FANCL: variants seen among roughly 807,000 people sequenced by gnomAD.
The protein encoded by FANCL is E3 ubiquitin-protein ligase FANCL.
In FANCL, 69 loss-of-function variants were observed where a neutral mutation model predicts 59.4. That is an observed-to-expected ratio of 1.16 (90% CI 0.96 to 1.42). The LOEUF is 1.42. Ranked by LOEUF, FANCL falls within the 40% of genes most tolerant of loss-of-function variation. The pLI, the probability that FANCL is intolerant of heterozygous loss-of-function variation, is 0.00. For missense variants in FANCL, 519 were observed against 447.2 expected, an observed-to-expected ratio of 1.16 and a Z score of -1.45; for synonymous variants, 180 against 147.1, an observed-to-expected ratio of 1.22 and a Z score of -1.62.
chr2:58,208,901 G>A (rs1004154616), intron 5 of FANCL, among the ~76,000 whole-genome samples: 2 of 151,992 alleles, frequency 1.3e-5, no homozygotes, highest in African/African-American at 2.4e-5. Context: ...CATTAGCCTC[G>A]TAGTCAAGAC....
chr2:58,172,542 T>G (rs575699463), intron 7 of FANCL, among the ~76,000 whole-genome samples: 2 of 152,178 alleles, frequency 1.3e-5, no homozygotes, highest in Admixed American at 1.3e-4. Context: ...GCTGAGGGTC[T>G]CTGTTAACAG....
chr2:58,234,192 C>T (rs1350701368), intron 1 of FANCL, among the ~76,000 whole-genome samples: 1 of 151,800 alleles, frequency 6.6e-6, no homozygotes, highest in Non-Finnish European at 1.5e-5. Context: ...TCCATGCAAA[C>T]AAAACCCAGA....
At chr2:58,226,922 T>C in intron 3 of FANCL, 138 bp from the exon 4 acceptor site, 1 of 728,876 alleles carries the variant, frequency 1.4e-6, no homozygotes, top group Non-Finnish European at 2.3e-6. Flanking sequence ...AGAAATGAAG[T>C]ATCGGTCATC....
intron 5 of FANCL, among the ~76,000 whole-genome samples, chr2:58,205,166 T>TA (rs769693832): frequency 5.9e-5 from 8 of 134,868 alleles, no homozygotes; most frequent in Admixed American, 1.5e-4. Flanking sequence ...AGGAAATATA[T>TA]TTTTTAATAT....
intron 7 of FANCL, among the ~76,000 whole-genome samples, chr2:58,197,222 T>A (rs1689522970): frequency 6.6e-6 from 1 of 151,654 alleles, no homozygotes; most frequent in Admixed American, 6.6e-5. Flanking sequence ...ATAATTAAAA[T>A]GGCATTTTGG....
intron 7 of FANCL, among the ~76,000 whole-genome samples, chr2:58,192,702 T>C (rs1333736111): frequency 6.6e-6 from 1 of 151,872 alleles, no homozygotes; most frequent in Non-Finnish European, 1.5e-5. Flanking sequence ...TTATCTACGG[T>C]GGAATTTAGT....
chr2:58,219,165 AAAAAAAATATATATATATATATAT>A (rs1692186223), intron 5 of FANCL, among the ~76,000 whole-genome samples: 2 of 82,416 alleles, frequency 2.4e-5, no homozygotes, highest in Non-Finnish European at 4.2e-5. Context: ...AAAAAAAAAA[AAAAAAAATATATATATATATATAT>A]ATATATATAT....
At chr2:58,190,468 GAAAA>G (rs34333134) in intron 7 of FANCL, among the ~76,000 whole-genome samples, 1 of 87,868 alleles carries the variant, frequency 1.1e-5, no homozygotes, top group African/African-American at 3.5e-5. Context: ...TATTCAAAAA[GAAAA>G]AAAAAAAAAA....
intron 11 of FANCL, among the ~76,000 whole-genome samples, chr2:58,162,565 A>G (rs1685355663): frequency 6.6e-6 from 1 of 151,864 alleles, no homozygotes; most frequent in Non-Finnish European, 1.5e-5. Flanking sequence ...TGTTTATGTG[A>G]AATCTCTGTA....
chr2:58,223,211 A>G (rs1315707455), intron 4 of FANCL, among the ~76,000 whole-genome samples: 1 of 151,564 alleles, frequency 6.6e-6, no homozygotes, highest in Non-Finnish European at 1.5e-5. Context: ...ATTAGAGGGT[A>G]AGCTCCTAGA....
intron 7 of FANCL, among the ~76,000 whole-genome samples, chr2:58,168,188 C>A (rs1686152405): frequency 6.6e-6 from 1 of 152,044 alleles, no homozygotes; most frequent in African/African-American, 2.4e-5. Flanking sequence ...CAGCTCCAGT[C>A]TGCAGCTCCC....
At chr2:58,236,549 A>T (rs1311237893) in intron 1 of FANCL, among the ~76,000 whole-genome samples, 32 of 151,956 alleles carry the variant, frequency 2.1e-4, no homozygotes, top group Admixed American at 2.1e-3. Context: ...ATAATATAAA[A>T]TACAGAAAAA....
rs1694344002 is a variant in FANCL, at chr2:58,239,771, A to G, written c.96+1447T>C. Among the ~76,000 whole-genome samples the G allele has an allele frequency of 2.0e-5, 3 of 152,218 alleles. No individual in the cohort carries two copies. In the South Asian group the frequency reaches 6.2e-4, roughly 31 times the overall value. Reference sequence around the variant, plus strand: ...AGGAAAATAATGTGTATACACACCCACCCACATACATATACTTAACAATGA... The same window carrying G: ...AGGAAAATAATGTGTATACACACCCGCCCACATACATATACTTAACAATGA... On this transcript the variant is annotated intron_variant, in intron 1 of 13. Transcript: ENST00000233741.
Position 58,211,156 on chromosome 2 carries a change from A to T in FANCL, c.375-6930T>A, listed in dbSNP as rs1379582061. Among the ~76,000 whole-genome samples, 3 of 152,198 alleles carry T rather than the reference A, an allele frequency of 2.0e-5. No homozygotes were observed. The East Asian group carries it at 5.8e-4, about 29-fold the overall frequency. ...CCATGAGGGCCCCACCCCTGCAGCA[A>T]ACTTCTGCCTGGGCATCCAGGAATT... is the stretch of plus-strand genomic sequence containing the variant. On this transcript the variant is annotated intron_variant, in intron 5 of 13. Coordinates refer to ENST00000233741, the MANE Select transcript of FANCL (RefSeq NM_018062.4).
At chr2:58,160,245 C>T (rs898222946) in intron 12 of FANCL, 66 bp from the exon 13 acceptor site, 18 of 1,495,460 alleles carry the variant, frequency 1.2e-5, no homozygotes, top group Non-Finnish European at 1.6e-5. Context: ...CTCCAAATGT[C>T]ATTCCCTTTG....
At chr2:58,239,714 G>A (rs1024804165) in intron 1 of FANCL, among the ~76,000 whole-genome samples, 1 of 152,080 alleles carries the variant, frequency 6.6e-6, no homozygotes, top group Non-Finnish European at 1.5e-5. Context: ...GGGATAAAGG[G>A]GAACTACGCC....
chr2:58,205,662 G>A (rs138929669), intron 5 of FANCL, among the ~76,000 whole-genome samples: 2 of 152,172 alleles, frequency 1.3e-5, no homozygotes, highest in African/African-American at 4.8e-5. Flanking sequence ...ATTAATTGAA[G>A]CAAACTTCAA....
At chr2:58,165,931 T>C in intron 7 of FANCL, 57 bp from the exon 8 acceptor site, 1 of 1,555,716 alleles carries the variant, frequency 6.4e-7, no homozygotes, top group Non-Finnish European at 8.9e-7. Flanking sequence ...TAGCAGATAA[T>C]CTTTTACTTA....
At chr2:58,217,657 T>A (rs1023002486) in intron 5 of FANCL, among the ~76,000 whole-genome samples, 8 of 151,868 alleles carry the variant, frequency 5.3e-5, no homozygotes, top group African/African-American at 1.7e-4. Flanking sequence ...CAATTATAAA[T>A]CTGTATGTAC....
Sources: gnomAD v4.1 joint callset for allele counts (sites outside exome capture counted in the v4.1 genomes callset) on GRCh38, gnomAD v4.1.1 for gene constraint, MANE v1.5 for transcripts, NCBI Gene and HGNC (gene_info 2026-07-23, HGNC 2026-07-21) for gene names.